FBXO42: variants seen among roughly 807,000 people sequenced by gnomAD.
The protein encoded by FBXO42 is F-box only protein 42.
A neutral mutation model predicts 71.7 loss-of-function variants in FBXO42; 12 were observed. The ratio of observed to expected loss-of-function variants is 0.17; its 90% CI spans 0.11 to 0.27. The LOEUF (loss-of-function observed/expected upper bound fraction) is 0.27, where lower values mean the gene tolerates loss of function less well. Among genes scored for constraint, FBXO42 ranks in the 10% least tolerant of loss-of-function variants. FBXO42 has a pLI of 1.00. For synonymous variants in FBXO42, 325 were observed against 327.5 expected (o/e 0.99, Z 0.08); for missense variants, 707 against 911.9 (o/e 0.78, Z 2.89).
chr1:16,269,949 A>G (rs2081821989), intron 4 of FBXO42, among the ~76,000 whole-genome samples: 1 of 152,062 alleles, frequency 6.6e-6, no homozygotes, highest in Non-Finnish European at 1.5e-5. Context: ...TCCGCCTCCC[A>G]GGCTCAAGTG....
chr1:16,329,274 T>C (rs1176109897), intron 1 of FBXO42, among the ~76,000 whole-genome samples: 2 of 150,522 alleles, frequency 1.3e-5, no homozygotes. Context: ...ATAAAATAAA[T>C]TGGTATTGGA....
At chr1:16,320,866 A>C (rs533127576) in intron 1 of FBXO42, among the ~76,000 whole-genome samples, 2 of 152,218 alleles carry the variant, frequency 1.3e-5, no homozygotes, top group Non-Finnish European at 2.9e-5. Flanking sequence ...TTCACCAAGG[A>C]AAAGAGCCCA....
intron 4 of FBXO42, among the ~76,000 whole-genome samples, chr1:16,289,270 G>A (rs947814697): frequency 9.2e-5 from 14 of 151,954 alleles, no homozygotes; most frequent in Non-Finnish European, 1.3e-4. Flanking sequence ...CCGATGTGGG[G>A]GTGCAAACCT....
At chr1:16,338,720 C>T (rs188515979) in intron 1 of FBXO42, among the ~76,000 whole-genome samples, 25 of 151,044 alleles carry the variant, frequency 1.7e-4, no homozygotes, top group African/African-American at 5.1e-4. Context: ...AGCTTCCCCA[C>T]TGATAAACAA....
At position 16,247,260 on chromosome 1, in the gene FBXO42, C is replaced by G. The variant is rs1489022209; in HGVS notation, c.*3410G>C. 2.6e-5 allele frequency: 4 copies of G among 152,268 alleles called. No homozygotes were observed. Among genetic ancestry groups the G allele is most frequent in the South Asian group, 4.1e-4 (2 of 4,832 alleles). 9.4% of individuals were successfully genotyped at this position (152,268 alleles called of 1,614,324 possible). On this transcript the variant is annotated 3_prime_UTR_variant, in exon 10 of 10. Transcript: ENST00000375592. Reference sequence around the variant, plus strand: ...CAGGCCTGGAAATTCAGCTTCCTCACCACCAGGCGTGGTTAGATCCTCCCC... The same window carrying G: ...CAGGCCTGGAAATTCAGCTTCCTCAGCACCAGGCGTGGTTAGATCCTCCCC...
At chr1:16,338,467 T>C (rs903999712) in intron 1 of FBXO42, among the ~76,000 whole-genome samples, 12 of 152,148 alleles carry the variant, frequency 7.9e-5, no homozygotes, top group Non-Finnish European at 1.5e-4. Context: ...CCTTTTATTG[T>C]TATCCCCCTG....
intron 6 of FBXO42, among the ~76,000 whole-genome samples, 175 bp downstream of exon 6, chr1:16,255,536 T>C (rs1464950955): frequency 1.3e-5 from 2 of 152,182 alleles, no homozygotes; most frequent in Non-Finnish European, 2.9e-5. Flanking sequence ...GGCTTCGCCA[T>C]GTTCGCCATG....
rs368991453 is a variant in FBXO42, at chr1:16,251,695, C to A, written c.1129G>T (p.Ala377Ser). 1 of 1,614,044 alleles carries A rather than the reference C, an allele frequency of 6.2e-7. No individual in the cohort carries two copies. Among genetic ancestry groups the A allele is most frequent in the Non-Finnish European group, 8.5e-7 (1 of 1,180,046 alleles). The change falls in exon 10 of 10, where the codon GCC becomes TCC. Residue 377 changes from alanine (A) to serine (S), a missense_variant. By Grantham distance (99) the Ala-to-Ser change is moderately conservative. Transcript: ENST00000375592. The surrounding 1 kb of genome is among the most constrained non-coding windows in gnomAD (Gnocchi z 4.5). Reference protein sequence around the residue: ...SLNSRPSPISATPPALVPETR... With the variant: ...SLNSRPSPISSTPPALVPETR... ...TCAGGAACGAGAGCTGGAGGAGTGG[C>A]ACTGATAGGTGATGGGCGAGAGTTC...
chr1:16,331,187 G>A (rs2082495664), intron 1 of FBXO42, among the ~76,000 whole-genome samples: 1 of 151,322 alleles, frequency 6.6e-6, no homozygotes, highest in African/African-American at 2.4e-5. Flanking sequence ...GCCGAGGTGG[G>A]CGGATCACGA....
intron 4 of FBXO42, chr1:16,294,272 T>A (rs903037583): frequency 6.6e-6 from 1 of 152,400 alleles, no homozygotes; most frequent in African/African-American, 2.4e-5. Flanking sequence ...GCCAGATTTC[T>A]GGCATAGTGG....
chr1:16,253,860 G>T, intron 6 of FBXO42, 129 bp from the exon 7 acceptor site: 1 of 752,974 alleles, frequency 1.3e-6, no homozygotes, highest in Non-Finnish European at 2.2e-6. Flanking sequence ...CAGACTGTGT[G>T]GGCTGGAGCA....
rs1411752720 is a variant in FBXO42 at position 16,305,789 on chromosome 1, C to T, written c.367+14G>A. 2 of 1,601,436 alleles carry T rather than the reference C, an allele frequency of 1.2e-6. No homozygotes were observed. The highest frequency in any genetic ancestry group is 1.3e-5 in the African/African-American group (1 of 74,674). On this transcript the variant is annotated intron_variant, in intron 3 of 9. Coordinates refer to ENST00000375592, the MANE Select transcript of FBXO42 (RefSeq NM_018994.3). ...ACAGGCAGGGTGGAATCTGCTTTCA[C>T]AGTAAATACTTACTGTGCGAGAAGC...
chr1:16,259,029 C>T (rs1473173275), intron 4 of FBXO42, among the ~76,000 whole-genome samples: 1 of 152,192 alleles, frequency 6.6e-6, no homozygotes, highest in Non-Finnish European at 1.5e-5. Context: ...CATTACCCAC[C>T]TCACCCAGTC....
At chr1:16,263,753 C>T (rs1311049323) in intron 4 of FBXO42, among the ~76,000 whole-genome samples, 1 of 150,182 alleles carries the variant, frequency 6.7e-6, no homozygotes, top group South Asian at 2.1e-4. Flanking sequence ...AACCGAAAAA[C>T]CAAAAAACAA....
chr1:16,250,520 T>C lies in FBXO42; in HGVS notation c.*150A>G, dbSNP rs1256857995. Reference sequence around the variant, plus strand: ...ATATAATTTTTTTTCTTAATGGAGATTTGATCCCAGCCTGGAGTGACTTCG... The same window carrying C: ...ATATAATTTTTTTTCTTAATGGAGACTTGATCCCAGCCTGGAGTGACTTCG... On this transcript the variant is annotated 3_prime_UTR_variant, in exon 10 of 10. Coordinates refer to ENST00000375592, the MANE Select transcript of FBXO42 (RefSeq NM_018994.3). This position sits in a 1 kb window ranked among gnomAD's most constrained non-coding sequence, Gnocchi z 4.7. 5 of 521,920 alleles carry C rather than the reference T, an allele frequency of 9.6e-6. No individual in the cohort carries two copies. The highest frequency in any genetic ancestry group is 1.6e-5 in the Non-Finnish European group (5 of 317,236). 32.3% of individuals were successfully genotyped at this position (521,920 alleles called of 1,614,324 possible).
At chr1:16,261,826 C>T (rs774219130) in intron 4 of FBXO42, among the ~76,000 whole-genome samples, 1 of 152,114 alleles carries the variant, frequency 6.6e-6, no homozygotes, top group Non-Finnish European at 1.5e-5. Flanking sequence ...GCCTCAACCT[C>T]CTGAGTAGCT....
At chr1:16,318,500 C>A (rs1246488039) in intron 1 of FBXO42, among the ~76,000 whole-genome samples, 2 of 152,124 alleles carry the variant, frequency 1.3e-5, no homozygotes, top group African/African-American at 4.8e-5. Context: ...TTAAAAATGT[C>A]TTGCTTCTGC....
chr1:16,302,445 G>A (rs1010155259), intron 3 of FBXO42, among the ~76,000 whole-genome samples: 10 of 152,194 alleles, frequency 6.6e-5, no homozygotes, highest in Admixed American at 2.0e-4. Flanking sequence ...ATTTATGGTA[G>A]AAGGCAAAGG....
intron 4 of FBXO42, among the ~76,000 whole-genome samples, chr1:16,271,256 T>TG (rs2081840942): frequency 8.7e-6 from 1 of 114,374 alleles, no homozygotes; most frequent in Admixed American, 1.0e-4. Flanking sequence ...CGTGTGTGTG[T>TG]TGGTGTGTGT....
Sources: allele counts gnomAD v4.1 joint callset (sites outside exome capture counted in the v4.1 genomes callset), GRCh38; gene constraint gnomAD v4.1.1; non-coding constraint Gnocchi (gnomAD v3.1); transcripts MANE v1.5; gene names NCBI Gene and HGNC (gene_info 2026-07-23, HGNC 2026-07-21).